The following ACSS3 variants were observed in gnomAD, a reference collection of about 807,000 sequenced individuals.
ACSS3 encodes the protein acyl-CoA synthetase short-chain family member 3, mitochondrial.
ACSS3 carries 64 observed loss-of-function variants against 84.2 expected under a neutral mutation model. That is an observed-to-expected ratio of 0.76 (90% CI 0.62 to 0.94). ACSS3 has a LOEUF of 0.94. ACSS3 is among the 40% of genes least tolerant of loss of function. The probability of loss-of-function intolerance (pLI) is 0.00; values close to 1 mark genes in which losing one functional copy is unlikely to be tolerated. For missense variants in ACSS3, 815 were observed against 867.6 expected (o/e 0.94, Z 0.76); for synonymous variants, 317 against 310.1 (o/e 1.02, Z -0.23).
At chr12:81,252,167 A>T (rs2136017052) in intron 13 of ACSS3, among the ~76,000 whole-genome samples, 1 of 152,238 alleles carries the variant, frequency 6.6e-6, no homozygotes, top group African/African-American at 2.4e-5. Flanking sequence ...GTTATTTCCT[A>T]AAGAAAAAGT....
intron 7 of ACSS3, among the ~76,000 whole-genome samples, chr12:81,170,878 T>C (rs1344137439): frequency 6.6e-6 from 1 of 152,126 alleles, no homozygotes; most frequent in Non-Finnish European, 1.5e-5. Flanking sequence ...TGTGTGTGCG[T>C]GTGCATGAAG....
Position 81,259,400 on chromosome 12 carries a change from G to C in ACSS3, c.*4478G>C, listed in dbSNP as rs1368219358. ...TACAATAAAACATGAAAAACAACTG[G>C]CTTCATTTCATAAAAGCATCTGTTG... On this transcript the variant is annotated 3_prime_UTR_variant, in exon 16 of 16. Coordinates refer to ENST00000548058, the MANE Select transcript of ACSS3 (RefSeq NM_024560.4). 5 of 644,160 alleles carry C rather than the reference G, an allele frequency of 7.8e-6. No individual in the cohort carries two copies. Among genetic ancestry groups the C allele is most frequent in the Admixed American group, 6.7e-5 (3 of 44,508 alleles). 39.9% of individuals were successfully genotyped at this position (644,160 alleles called of 1,614,324 possible).
intron 8 of ACSS3, 59 bp from the exon 9 acceptor site, chr12:81,199,282 A>C: frequency 1.4e-6 from 2 of 1,460,924 alleles, no homozygotes; most frequent in Non-Finnish European, 1.9e-6. Flanking sequence ...TTAAAATGTA[A>C]ATACAATTAT....
chr12:81,210,280 T>A (rs577364662), intron 9 of ACSS3, among the ~76,000 whole-genome samples: 1 of 152,280 alleles, frequency 6.6e-6, no homozygotes, highest in South Asian at 2.1e-4. Context: ...GGGGTGATGA[T>A]ATTCCTGCCT....
chr12:81,117,407 A>G (rs1884138196), intron 2 of ACSS3, among the ~76,000 whole-genome samples: 1 of 152,174 alleles, frequency 6.6e-6, no homozygotes, highest in Admixed American at 6.5e-5. Context: ...GCCATTTGAG[A>G]TAGGCTTGTC....
At chr12:81,249,099 G>C (rs2034074654) in intron 13 of ACSS3, among the ~76,000 whole-genome samples, 1 of 151,954 alleles carries the variant, frequency 6.6e-6, no homozygotes, top group South Asian at 2.1e-4. Flanking sequence ...TATTTTTAAA[G>C]TGTTGATTAG....
chr12:81,139,692 A>C (rs1885992767), intron 4 of ACSS3, among the ~76,000 whole-genome samples: 1 of 150,364 alleles, frequency 6.7e-6, no homozygotes, highest in Admixed American at 6.6e-5. Context: ...GCTGGAGTGC[A>C]GTGGCCGATG....
intron 1 of ACSS3, among the ~76,000 whole-genome samples, chr12:81,085,671 C>G (rs1387917860): frequency 6.6e-6 from 1 of 152,142 alleles, no homozygotes; most frequent in African/African-American, 2.4e-5. Context: ...TTTTTGGCTA[C>G]TAAATTGAAG....
At position 81,254,714 on chromosome 12, in the gene ACSS3, G is replaced by A. The variant is rs1248709362; in HGVS notation, c.1996-143G>A. On this transcript the variant is annotated intron_variant, in intron 15 of 15. Transcript: ENST00000548058. Reference sequence around the variant, plus strand: ...CTACAGATGAGTATTAATATATTAGGTTCAAAGTTCCCTATTTTTAAACTT... The same window carrying A: ...CTACAGATGAGTATTAATATATTAGATTCAAAGTTCCCTATTTTTAAACTT... 7 of 584,388 alleles carry A rather than the reference G, an allele frequency of 1.2e-5. No homozygotes were observed. In the East Asian group the frequency reaches 1.2e-4, roughly 10 times the overall value. 36.2% of individuals were successfully genotyped at this position (584,388 alleles called of 1,614,324 possible). A position where few individuals can be genotyped will look rare whatever the true frequency, so the allele number is the denominator to read the frequency against.
At chr12:81,085,991 G>A (rs1009752334) in intron 1 of ACSS3, among the ~76,000 whole-genome samples, 1 of 152,034 alleles carries the variant, frequency 6.6e-6, no homozygotes, top group African/African-American at 2.4e-5. Flanking sequence ...TTGCTTCAAA[G>A]GAAAATAAAT....
chr12:81,090,186 CAT>C (rs1183627749), intron 1 of ACSS3, among the ~76,000 whole-genome samples: 2 of 151,988 alleles, frequency 1.3e-5, no homozygotes, highest in Non-Finnish European at 1.5e-5. Flanking sequence ...CCAACTTGCA[CAT>C]GTCTTTTTGA....
chr12:81,114,191 C>G (rs534283812), intron 2 of ACSS3, among the ~76,000 whole-genome samples: 2 of 152,130 alleles, frequency 1.3e-5, no homozygotes, highest in South Asian at 2.1e-4. Flanking sequence ...TTGATAAAAC[C>G]AATTATGTGT....
chr12:81,246,538 GA>G (rs1275306262), intron 13 of ACSS3, among the ~76,000 whole-genome samples: 4 of 152,126 alleles, frequency 2.6e-5, no homozygotes, highest in Non-Finnish European at 4.4e-5. Flanking sequence ...AAATGACAGT[GA>G]ACTCATCACC....
At chr12:81,105,644 T>G (rs1324705318) in intron 1 of ACSS3, among the ~76,000 whole-genome samples, 3 of 152,232 alleles carry the variant, frequency 2.0e-5, no homozygotes, top group Non-Finnish European at 4.4e-5. Flanking sequence ...TCTTGAAAGT[T>G]TAGTAACATT....
chr12:81,094,174 GTC>G (rs374875227), intron 1 of ACSS3, among the ~76,000 whole-genome samples: 25 of 108,926 alleles, frequency 2.3e-4, no homozygotes, highest in African/African-American at 5.0e-4. Flanking sequence ...CTCTCTCTCT[GTC>G]TCTCTCTCTG....
At chr12:81,213,793 T>TCTC (rs1555181604) in intron 9 of ACSS3, among the ~76,000 whole-genome samples, 7 of 30,862 alleles carry the variant, frequency 2.3e-4, no homozygotes, top group Non-Finnish European at 3.4e-4. Flanking sequence ...TCTCTTCTCT[T>TCTC]TTCTCTTCTC....
intron 5 of ACSS3, among the ~76,000 whole-genome samples, chr12:81,146,427 GT>G (rs1205235925): frequency 6.6e-6 from 1 of 152,152 alleles, no homozygotes; most frequent in Non-Finnish European, 1.5e-5. Context: ...CATATGGTTT[GT>G]TTCCTCAATC....
At chr12:81,177,650 G>A (rs567067994) in intron 8 of ACSS3, among the ~76,000 whole-genome samples, 30 of 152,198 alleles carry the variant, frequency 2.0e-4, no homozygotes, top group South Asian at 4.2e-4. Context: ...AAAAGTGGGC[G>A]AAGGACATGA....
chr12:81,220,695 G>C (rs939703359), intron 11 of ACSS3, among the ~76,000 whole-genome samples: 1 of 151,964 alleles, frequency 6.6e-6, no homozygotes, highest in African/African-American at 2.4e-5. Context: ...TGCAGTATTT[G>C]ATTTTCAGTT....
Sources: gnomAD v4.1 joint callset for allele counts (sites outside exome capture counted in the v4.1 genomes callset) on GRCh38, gnomAD v4.1.1 for gene constraint, MANE v1.5 for transcripts, NCBI Gene and HGNC (gene_info 2026-07-23, HGNC 2026-07-21) for gene names.